Variants in SMTNL2 observed in about 807,000 individuals in gnomAD.
SMTNL2 encodes the protein smoothelin-like protein 2.
A neutral mutation model predicts 44.1 loss-of-function variants in SMTNL2; 43 were observed. That is an observed-to-expected ratio of 0.98 (90% CI 0.76 to 1.26). SMTNL2 has a LOEUF of 1.26. Among genes scored for constraint, SMTNL2 ranks in the 50% most tolerant of loss-of-function variants. The pLI is 0.00. For missense variants in SMTNL2, 646 were observed against 670.2 expected (o/e 0.96, Z 0.40); for synonymous variants, 317 against 287.6 (o/e 1.10, Z -1.03).
At chr17:4,591,596 G>A (rs1315910319) in intron 1 of SMTNL2, among the ~76,000 whole-genome samples, 2 of 152,238 alleles carry the variant, frequency 1.3e-5, no homozygotes, top group South Asian at 2.1e-4. Flanking sequence ...GGATAGCACC[G>A]GAAAAAGGGC....
Position 4,604,961 on chromosome 17 carries a change from G to A in SMTNL2, c.1260-2400G>A, listed in dbSNP as rs144845330. On this transcript the variant is annotated intron_variant, in intron 7 of 7. Coordinates refer to ENST00000389313, the MANE Select transcript of SMTNL2 (RefSeq NM_001114974.2). ...GCCGGGATTACAGGTGTGAGCCACC[G>A]TGCCCGGCCAGTATTCCGATTTTGT... 5.3e-5 allele frequency among the ~76,000 whole-genome samples: 8 copies of A among 152,118 alleles called. No individual in the cohort carries two copies. The East Asian group carries it at 1.2e-3, about 22-fold the overall frequency.
chr17:4,607,716 G>A lies in SMTNL2; in HGVS notation c.*229G>A. The A allele has an allele frequency of 1.9e-6, 1 of 531,028 alleles. No individual in the cohort carries two copies. The highest frequency in any genetic ancestry group is 3.8e-5 in the South Asian group (1 of 26,246). 32.9% of individuals were successfully genotyped at this position (531,028 alleles called of 1,614,324 possible). A position where few individuals can be genotyped will look rare whatever the true frequency, so the allele number is the denominator to read the frequency against. On this transcript the variant is annotated 3_prime_UTR_variant, in exon 8 of 8. Coordinates refer to ENST00000389313, the MANE Select transcript of SMTNL2 (RefSeq NM_001114974.2). The surrounding 1 kb of genome is among the most constrained non-coding windows in gnomAD (Gnocchi z 4.7). ...TCACAGCCAAGGGCTTGGAGGAAAA[G>A]GAAAAATTATGAGAGAGAGAGAGAC...
intron 7 of SMTNL2, among the ~76,000 whole-genome samples, chr17:4,603,596 G>A (rs1437064466): frequency 6.6e-6 from 1 of 152,038 alleles, no homozygotes; most frequent in Non-Finnish European, 1.5e-5. Flanking sequence ...TTGGATGGTT[G>A]GAGGTCCTAG....
intron 7 of SMTNL2, among the ~76,000 whole-genome samples, chr17:4,604,564 G>A (rs1257401390): frequency 6.6e-6 from 1 of 152,194 alleles, no homozygotes; most frequent in Non-Finnish European, 1.5e-5. Context: ...CGCTCGCTGG[G>A]GTCTCCCCTC....
intron 3 of SMTNL2, among the ~76,000 whole-genome samples, chr17:4,593,549 G>T (rs1567633885): frequency 6.6e-6 from 1 of 152,218 alleles, no homozygotes; most frequent in Non-Finnish European, 1.5e-5. Flanking sequence ...TGGGAGCAGT[G>T]TTCACTGGAT....
At chr17:4,597,887 C>T (rs909310941) in intron 7 of SMTNL2, among the ~76,000 whole-genome samples, 1 of 152,176 alleles carries the variant, frequency 6.6e-6, no homozygotes, top group African/African-American at 2.4e-5. Context: ...TCAGGAGGCA[C>T]CTGGAAAGCC....
intron 7 of SMTNL2, among the ~76,000 whole-genome samples, chr17:4,603,092 C>T (rs1367601841): frequency 6.6e-5 from 10 of 152,194 alleles, no homozygotes; most frequent in Admixed American, 5.9e-4. Context: ...CAGGGGCCCA[C>T]CAGGGGTCAT....
chr17:4,594,266 T>G (rs953626726), intron 4 of SMTNL2, among the ~76,000 whole-genome samples: 4 of 152,000 alleles, frequency 2.6e-5, no homozygotes, highest in Non-Finnish European at 5.9e-5. Flanking sequence ...CTGGCCAACA[T>G]GGCAAAACGC....
intron 1 of SMTNL2, among the ~76,000 whole-genome samples, chr17:4,588,452 G>A (rs952506454): frequency 6.6e-6 from 1 of 152,166 alleles, no homozygotes; most frequent in Non-Finnish European, 1.5e-5. Flanking sequence ...AGCTCAACAG[G>A]ACCTGTCCCC....
At chr17:4,585,054 C>G (rs1398381352) in intron 1 of SMTNL2, 50 bp downstream of exon 1, 1 of 1,289,068 alleles carries the variant, frequency 7.8e-7, no homozygotes, top group Non-Finnish European at 9.8e-7. Context: ...GGGCTCCGAA[C>G]CGGGTGCCGC....
In SMTNL2 at chr17:4,595,128, G is replaced by A. The variant is rs763287144; in HGVS notation, c.807-17G>A. 90 of 1,612,896 alleles carry A rather than the reference G, an allele frequency of 5.6e-5. No homozygotes were observed. The highest frequency in any genetic ancestry group is 9.3e-5 in the African/African-American group (7 of 74,934). The stretch of plus-strand genomic sequence containing the variant: ...GGCTGCTGGGCCCAGGTCCCAACTC[G>A]GCGATTCTTTCCTCAGCCCACCGCT... On this transcript the variant is annotated splice_polypyrimidine_tract_variant and intron_variant, in intron 4 of 7. Coordinates refer to ENST00000389313, the MANE Select transcript of SMTNL2 (RefSeq NM_001114974.2). This position sits in a 1 kb window ranked among gnomAD's most constrained non-coding sequence, Gnocchi z 5.1.
At chr17:4,601,704 G>A (rs1027430962) in intron 7 of SMTNL2, among the ~76,000 whole-genome samples, 23 of 149,020 alleles carry the variant, frequency 1.5e-4, no homozygotes, top group Middle Eastern at 3.5e-3. Context: ...TTTTTTTTTA[G>A]AGACGGGGTC....
At chr17:4,604,808 AT>A (rs371908311) in intron 7 of SMTNL2, among the ~76,000 whole-genome samples, 59 of 152,134 alleles carry the variant, frequency 3.9e-4, no homozygotes, top group African/African-American at 1.3e-3. Flanking sequence ...AGTAGCTGGG[AT>A]TTCAGGCGTG....
At chr17:4,588,376 C>T (rs1258573060) in intron 1 of SMTNL2, among the ~76,000 whole-genome samples, 1 of 152,216 alleles carries the variant, frequency 6.6e-6, no homozygotes, top group Non-Finnish European at 1.5e-5. Flanking sequence ...GCCTGGGCTC[C>T]CTCATGGGGC....
intron 1 of SMTNL2, among the ~76,000 whole-genome samples, chr17:4,590,997 G>T (rs2150520053): frequency 6.6e-6 from 1 of 152,322 alleles, no homozygotes; most frequent in South Asian, 2.1e-4. Context: ...CTCTGCAAAA[G>T]CAGACACTAA....
rs1011191307 is a variant in SMTNL2, at chr17:4,600,112, C to G, written c.1259+2789C>G. On this transcript the variant is annotated intron_variant, in intron 7 of 7. Coordinates refer to ENST00000389313, the MANE Select transcript of SMTNL2 (RefSeq NM_001114974.2). The surrounding 1 kb of genome is among the most constrained non-coding windows in gnomAD (Gnocchi z 4.7). ...CCTCATGACTCATCCGTAAGATTAT[C>G]TCCCAGGTACTAGGGGGAGAGGGCT... Among the ~76,000 whole-genome samples, 1 of 152,192 alleles carries G rather than the reference C, an allele frequency of 6.6e-6. No homozygotes were observed. The highest frequency in any genetic ancestry group is 1.5e-5 in the Non-Finnish European group (1 of 68,028).
intron 7 of SMTNL2, among the ~76,000 whole-genome samples, chr17:4,599,686 C>T (rs1909950415): frequency 6.6e-6 from 1 of 152,204 alleles, no homozygotes. Context: ...GGCCCCATGC[C>T]CCAGCCTGCA....
Position 4,607,711 on chromosome 17 carries a change from GA to G in SMTNL2, c.*228del. On this transcript the variant is annotated 3_prime_UTR_variant, in exon 8 of 8. Transcript: ENST00000389313. This position sits in a 1 kb window ranked among gnomAD's most constrained non-coding sequence, Gnocchi z 4.7. Reference sequence around the variant, plus strand: ...ACTGATCACAGCCAAGGGCTTGGAGGAAAAGGAAAAATTATGAGAGAGAGAG... The same window carrying G: ...ACTGATCACAGCCAAGGGCTTGGAGGAAAGGAAAAATTATGAGAGAGAGAG... 1 of 549,908 alleles carries G rather than the reference GA, an allele frequency of 1.8e-6. No homozygotes were observed. 34.1% of individuals were successfully genotyped at this position (549,908 alleles called of 1,614,324 possible). A position where few individuals can be genotyped will look rare whatever the true frequency, so the allele number is the denominator to read the frequency against.
intron 1 of SMTNL2, among the ~76,000 whole-genome samples, chr17:4,586,875 G>T (rs1026814921): frequency 1.3e-5 from 2 of 152,208 alleles, no homozygotes; most frequent in African/African-American, 4.8e-5. Flanking sequence ...TCACAGATCT[G>T]GGGTGAGATG....
Sources: gnomAD v4.1 joint callset for allele counts (sites outside exome capture counted in the v4.1 genomes callset) on GRCh38, gnomAD v4.1.1 for gene constraint, Gnocchi (gnomAD v3.1) non-coding constraint, MANE v1.5 for transcripts, NCBI Gene and HGNC (gene_info 2026-07-23, HGNC 2026-07-21) for gene names.